The following APPL2 variants were observed in gnomAD, a reference collection of about 807,000 sequenced individuals.
APPL2 encodes the protein adaptor protein, phosphotyrosine interacting with PH domain and leucine zipper 2, also known as DCC-interacting protein 13-beta.
In APPL2, 84 loss-of-function variants were observed where a neutral mutation model predicts 92.7. The ratio of observed to expected loss-of-function variants is 0.91; its 90% CI spans 0.76 to 1.09. The LOEUF is 1.09. Among genes scored for constraint, APPL2 ranks in the 50% least tolerant of loss-of-function variants. The probability of loss-of-function intolerance (pLI) is 0.00; values close to 1 mark genes in which losing one functional copy is unlikely to be tolerated. For synonymous variants in APPL2, 291 were observed against 291.0 expected, an observed-to-expected ratio of 1.00 and a Z score of 0.00; for missense variants, 736 against 824.5, an observed-to-expected ratio of 0.89 and a Z score of 1.31.
At chr12:105,220,062 AACTGAAGC>A (rs764859738) in intron 2 of APPL2, among the ~76,000 whole-genome samples, 4 of 152,242 alleles carry the variant, frequency 2.6e-5, no homozygotes, top group Non-Finnish European at 4.4e-5. Flanking sequence ...TAGATGAAGA[AACTGAAGC>A]ACTGAGAGAT....
chr12:105,210,400 T>C (rs1889118866), intron 5 of APPL2, among the ~76,000 whole-genome samples: 1 of 152,212 alleles, frequency 6.6e-6, no homozygotes, highest in Admixed American at 6.5e-5. Context: ...AGGTTTAGGC[T>C]TTTTTGGGGC....
chr12:105,222,164 C>T (rs1890153191), intron 2 of APPL2, among the ~76,000 whole-genome samples: 1 of 152,170 alleles, frequency 6.6e-6, no homozygotes, highest in East Asian at 1.9e-4. Context: ...TGGAGCGTCT[C>T]ATGCGAGGCA....
chr12:105,226,986 T>C (rs1031785604), intron 2 of APPL2, among the ~76,000 whole-genome samples: 2 of 151,974 alleles, frequency 1.3e-5, no homozygotes, highest in African/African-American at 4.8e-5. Flanking sequence ...CTGGGTGTGG[T>C]GGTGTGCACC....
At chr12:105,226,316 C>T (rs1890499523) in intron 2 of APPL2, among the ~76,000 whole-genome samples, 1 of 152,202 alleles carries the variant, frequency 6.6e-6, no homozygotes, top group Non-Finnish European at 1.5e-5. Context: ...TTGACTCTGT[C>T]TTTGAATCTG....
intron 1 of APPL2, chr12:105,229,695 TG>T (rs1890778379): frequency 1.0e-6 from 1 of 986,668 alleles, no homozygotes; most frequent in Non-Finnish European, 1.2e-6. Context: ...TCTGGTTTTT[TG>T]TAATCTTGGA....
At chr12:105,176,385 T>G (rs1262104498) in intron 19 of APPL2, 1 of 533,744 alleles carries the variant, frequency 1.9e-6, no homozygotes, top group African/African-American at 2.0e-5. Flanking sequence ...AGCCACGATA[T>G]GTCCATATAC....
intron 14 of APPL2, among the ~76,000 whole-genome samples, chr12:105,193,721 T>C (rs772107956): frequency 1.3e-5 from 2 of 152,208 alleles, no homozygotes; most frequent in African/African-American, 4.8e-5. Flanking sequence ...CTTTCTCCTC[T>C]TTTTTAAAAA....
intron 11 of APPL2, among the ~76,000 whole-genome samples, chr12:105,196,677 G>C (rs1592783089): frequency 6.6e-6 from 1 of 152,086 alleles, no homozygotes; most frequent in Non-Finnish European, 1.5e-5. Flanking sequence ...CCAACCTCAG[G>C]GGATCCACCT....
intron 8 of APPL2, among the ~76,000 whole-genome samples, chr12:105,205,491 T>C (rs1419099505): frequency 6.6e-6 from 1 of 152,214 alleles, no homozygotes; most frequent in Non-Finnish European, 1.5e-5. Flanking sequence ...GAGTCCAGGC[T>C]GGGAGCAGTG....
chr12:105,174,074 C>T lies in APPL2; in HGVS notation c.*240G>A, dbSNP rs563591212. The stretch of plus-strand genomic sequence containing the variant: ...CTGAACAATCTAAGAAATTTTAGCG[C>T]AATCTAAGAAAAAAGACTTACCACA... On this transcript the variant is annotated 3_prime_UTR_variant, in exon 21 of 21. Transcript: ENST00000258530. 56 of 392,670 alleles carry T rather than the reference C, an allele frequency of 1.4e-4. No individual in the cohort carries two copies. Among genetic ancestry groups the T allele is most frequent in the Admixed American group, 3.2e-4 (7 of 21,860 alleles). The allele number at this position is 392,670 out of a possible 1,614,324, so 24.3% of individuals were successfully genotyped here. A position where few individuals can be genotyped will look rare whatever the true frequency, so the allele number is the denominator to read the frequency against.
intron 2 of APPL2, among the ~76,000 whole-genome samples, chr12:105,226,008 G>A (rs1027293259): frequency 1.3e-5 from 2 of 152,134 alleles, no homozygotes; most frequent in African/African-American, 2.4e-5. Context: ...CGGAGAGTCT[G>A]TTTTTACAAA....
At position 105,203,010 on chromosome 12, in the gene APPL2, T is replaced by TACACACACACAC. The variant is rs3838812; in HGVS notation, c.704+681_704+692dup. ...ATTTCCATTTTGTCTATTTGTCAAC[T>TACACACACACAC]ACACACACACACACACACACACACA... On this transcript the variant is annotated intron_variant, in intron 9 of 20. Transcript: ENST00000258530. 6.7e-4 allele frequency among the ~76,000 whole-genome samples: 98 copies of TACACACACACAC among 146,074 alleles called. 3 individuals carry two copies. The highest frequency in any genetic ancestry group is 4.3e-3 in the East Asian group (21 of 4,938).
At chr12:105,194,782 T>TA (rs36104130) in intron 14 of APPL2, among the ~76,000 whole-genome samples, 9,373 of 144,486 alleles carry the variant, frequency 0.065, 738 homozygotes, top group African/African-American at 0.19. Context: ...TAGAAATAGT[T>TA]AAAAAAAAAA....
Position 105,189,770 on chromosome 12 carries a change from A to AC in APPL2, c.1459+1dup. The stretch of plus-strand genomic sequence containing the variant: ...AATAAGGACACCAAACTAGTCACTT[A>AC]CCTTCTGCTTCTGGAAATGATTCAT... On this transcript the variant is annotated splice_donor_variant, in intron 16 of 20. Coordinates refer to ENST00000258530, the MANE Select transcript of APPL2 (RefSeq NM_018171.5). LOFTEE classifies it high-confidence loss of function. 6.2e-7 allele frequency: 1 copy of AC among 1,614,166 alleles called. No individual in the cohort carries two copies. Among genetic ancestry groups the AC allele is most frequent in the African/African-American group, 1.3e-5 (1 of 75,056 alleles).
chr12:105,204,916 C>T (rs1232580382), intron 8 of APPL2, among the ~76,000 whole-genome samples: 1 of 152,186 alleles, frequency 6.6e-6, no homozygotes, highest in African/African-American at 2.4e-5. Flanking sequence ...GTCACTGTTC[C>T]GTTCTCAAAA....
rs1885186010 is a variant in APPL2 at position 105,173,505 on chromosome 12, C to G, written c.*809G>C. The G allele has an allele frequency of 6.6e-6, 1 of 152,560 alleles. No individual in the cohort carries two copies. Among genetic ancestry groups the G allele is most frequent in the Non-Finnish European group, 1.5e-5 (1 of 68,046 alleles). 9.5% of individuals were successfully genotyped at this position (152,560 alleles called of 1,614,324 possible). A position where few individuals can be genotyped will look rare whatever the true frequency, so the allele number is the denominator to read the frequency against. ...ACTTTATACCAAGCCCCATGACCAG[C>G]TGTGCTTCAAGTGAGTTTTAAAATT... On this transcript the variant is annotated 3_prime_UTR_variant, in exon 21 of 21. Transcript: ENST00000258530.
intron 1 of APPL2, among the ~76,000 whole-genome samples, chr12:105,232,601 C>T (rs1048674710): frequency 1.3e-5 from 2 of 151,924 alleles, no homozygotes; most frequent in South Asian, 2.1e-4. Flanking sequence ...TCTGTCTCTA[C>T]AAAAATTAAA....
chr12:105,224,364 CGTAT>C, intron 2 of APPL2, among the ~76,000 whole-genome samples: 1 of 152,342 alleles, frequency 6.6e-6, no homozygotes, highest in African/African-American at 2.4e-5. Flanking sequence ...CTGCCTCTAG[CGTAT>C]TACAAAGCTG....
chr12:105,235,307 T>C (rs559227559), intron 1 of APPL2: 34 of 152,348 alleles, frequency 2.2e-4, no homozygotes, highest in Admixed American at 2.2e-3. Context: ...AGGACTTGAC[T>C]CTCATCTCGA....
Sources: gnomAD v4.1 joint callset for allele counts (sites outside exome capture counted in the v4.1 genomes callset) on GRCh38, gnomAD v4.1.1 for gene constraint, MANE v1.5 for transcripts, NCBI Gene and HGNC (gene_info 2026-07-23, HGNC 2026-07-21) for gene names.